The following MAN2B2 variants were observed in gnomAD, a reference collection of about 807,000 sequenced individuals.
MAN2B2 encodes the protein epididymis-specific alpha-mannosidase.
A neutral mutation model predicts 117.1 loss-of-function variants in MAN2B2; 106 were observed. That is an observed-to-expected ratio of 0.90 (90% CI 0.77 to 1.06). The LOEUF (loss-of-function observed/expected upper bound fraction) is 1.06. MAN2B2 is among the 50% of genes least tolerant of loss of function. The probability of loss-of-function intolerance (pLI) is 0.00; values close to 1 mark genes in which losing one functional copy is unlikely to be tolerated. For missense variants in MAN2B2, 1,326 were observed against 1,381.4 expected, an observed-to-expected ratio of 0.96 and a Z score of 0.64; for synonymous variants, 544 against 595.1, an observed-to-expected ratio of 0.91 and a Z score of 1.25.
At chr4:6,616,047 G>A (rs929824108) in intron 16 of MAN2B2, among the ~76,000 whole-genome samples, 6 of 152,056 alleles carry the variant, frequency 3.9e-5, no homozygotes, top group South Asian at 2.1e-4. Context: ...CAGGCAATCC[G>A]CCCTCCTTGG....
At chr4:6,599,433 C>T (rs1240866126) in intron 9 of MAN2B2, among the ~76,000 whole-genome samples, 8 of 151,894 alleles carry the variant, frequency 5.3e-5, no homozygotes, top group African/African-American at 1.7e-4. Flanking sequence ...GAGGCCGAGG[C>T]GGGTGGATTA....
intron 17 of MAN2B2, chr4:6,619,188 A>T (rs1712040556): frequency 6.6e-6 from 1 of 152,276 alleles, no homozygotes; most frequent in African/African-American, 2.4e-5. Context: ...CTTAGAACAG[A>T]GGACAGAGTG....
intron 16 of MAN2B2, 115 bp from the exon 17 acceptor site, chr4:6,617,265 C>G (rs917312228): frequency 2.7e-6 from 2 of 734,552 alleles, no homozygotes; most frequent in Admixed American, 2.6e-5. Flanking sequence ...CAAACCATAT[C>G]GAGGAGGTTA....
At chr4:6,592,905 T>C (rs1412593063) in intron 5 of MAN2B2, among the ~76,000 whole-genome samples, 2 of 152,246 alleles carry the variant, frequency 1.3e-5, no homozygotes, top group Non-Finnish European at 2.9e-5. Flanking sequence ...CCCATAAATT[T>C]TGTGCCCTAG....
intron 2 of MAN2B2, among the ~76,000 whole-genome samples, chr4:6,577,354 C>A (rs1236564701): frequency 6.6e-6 from 1 of 152,196 alleles, no homozygotes. Flanking sequence ...CAGGACGATA[C>A]TCGGGGGTTC....
chr4:6,579,995 C>A (rs1475608906), intron 3 of MAN2B2, among the ~76,000 whole-genome samples: 4 of 152,236 alleles, frequency 2.6e-5, no homozygotes, highest in Non-Finnish European at 5.9e-5. Context: ...GGCCTAGGGA[C>A]TGAAGCTCCG....
At position 6,609,155 on chromosome 4, in the gene MAN2B2, C is replaced by A. The variant is rs780250513; in HGVS notation, c.1863C>A (p.His621Gln). The A allele has an allele frequency of 1.2e-6, 2 of 1,614,230 alleles. No homozygotes were observed. Among genetic ancestry groups the A allele is most frequent in the Non-Finnish European group, 1.7e-6 (2 of 1,180,026 alleles). The change falls in exon 12 of 19, where the codon CAC becomes CAA. Residue 621 changes from histidine to glutamine, a missense_variant. By Grantham distance (24) the His-to-Gln change is conservative. Coordinates refer to ENST00000285599, the MANE Select transcript of MAN2B2 (RefSeq NM_015274.3). ...VRVTQEFLEY[H>Q]VNGDVKQGPI... ...TGACCCAGGAATTCCTGGAGTACCACGTCAACGGGGATGTGAAACAGGGCC... is the reference window on the plus strand; with the variant it reads ...TGACCCAGGAATTCCTGGAGTACCAAGTCAACGGGGATGTGAAACAGGGCC...
chr4:6,593,782 C>T (rs1353174432), intron 6 of MAN2B2, among the ~76,000 whole-genome samples: 1 of 152,254 alleles, frequency 6.6e-6, no homozygotes, highest in Admixed American at 6.5e-5. Context: ...TGAGCACCTG[C>T]TGTGTGCTGG....
chr4:6,583,324 G>C (rs1173528955), intron 3 of MAN2B2, among the ~76,000 whole-genome samples: 1 of 152,196 alleles, frequency 6.6e-6, no homozygotes, highest in Non-Finnish European at 1.5e-5. Context: ...TGGCCAGAGT[G>C]GTGTCATGTG....
intron 17 of MAN2B2, 120 bp from the exon 18 acceptor site, chr4:6,619,807 G>A: frequency 1.3e-6 from 1 of 781,658 alleles, no homozygotes; most frequent in South Asian, 1.6e-5. Flanking sequence ...GGCACCAGGG[G>A]AGGACCTGGG....
At chr4:6,602,540 C>T (rs1247763396) in intron 10 of MAN2B2, among the ~76,000 whole-genome samples, 1 of 152,200 alleles carries the variant, frequency 6.6e-6, no homozygotes, top group Non-Finnish European at 1.5e-5. Flanking sequence ...CGGACGTCAG[C>T]CATTTGAGGG....
chr4:6,589,260 A>G lies in MAN2B2; in HGVS notation c.680+100A>G, dbSNP rs1002361462. 8 of 915,540 alleles carry G rather than the reference A, an allele frequency of 8.7e-6. No individual in the cohort carries two copies. In the African/African-American group the frequency reaches 1.3e-4, roughly 15 times the overall value. 56.7% of individuals were successfully genotyped at this position (915,540 alleles called of 1,614,324 possible). A position where few individuals can be genotyped will look rare whatever the true frequency, so the allele number is the denominator to read the frequency against. On this transcript the variant is annotated intron_variant, in intron 5 of 18. Coordinates refer to ENST00000285599, the MANE Select transcript of MAN2B2 (RefSeq NM_015274.3). ...TTTGTTTTTGTTTATTGGTTTTAAGACAAGAGCTTCTGCTCTGTTGCCCAG... is the reference window on the plus strand; with the variant it reads ...TTTGTTTTTGTTTATTGGTTTTAAGGCAAGAGCTTCTGCTCTGTTGCCCAG...
At chr4:6,593,119 C>T (rs942505466) in intron 5 of MAN2B2, 54 bp from the exon 6 acceptor site, 12 of 1,575,502 alleles carry the variant, frequency 7.6e-6, no homozygotes, top group Non-Finnish European at 3.5e-6. Context: ...GGGTGTGAGC[C>T]CTGGCTGTCC....
rs756150169 is a variant in MAN2B2 at position 6,609,306 on chromosome 4, C to T, written c.2006+8C>T. The T allele has an allele frequency of 1.2e-6, 2 of 1,611,464 alleles. No homozygotes were observed. The highest frequency in any genetic ancestry group is 3.3e-5 in the Admixed American group (2 of 59,892). On this transcript the variant is annotated splice_region_variant and intron_variant, in intron 12 of 18. Coordinates refer to ENST00000285599, the MANE Select transcript of MAN2B2 (RefSeq NM_015274.3). Reference sequence around the variant, plus strand: ...CCGGCAGTACTTCTACAGGTGCTTCCCCTGGGGTGACCCCCACAGCCCGGC... The same window carrying T: ...CCGGCAGTACTTCTACAGGTGCTTCTCCTGGGGTGACCCCCACAGCCCGGC...
At chr4:6,579,581 C>T (rs1726348931) in intron 3 of MAN2B2, among the ~76,000 whole-genome samples, 2 of 150,658 alleles carry the variant, frequency 1.3e-5, no homozygotes, top group Non-Finnish European at 2.9e-5. Flanking sequence ...ACTACCATCA[C>T]CACCATCACC....
At chr4:6,619,542 A>T (rs963091979) in intron 17 of MAN2B2, 1 of 193,648 alleles carries the variant, frequency 5.2e-6, no homozygotes, top group Admixed American at 5.4e-5. Flanking sequence ...GACAAGGCCT[A>T]TTGGGAAAGG....
chr4:6,593,552 C>T (rs530180568), intron 6 of MAN2B2, among the ~76,000 whole-genome samples: 1 of 152,358 alleles, frequency 6.6e-6, no homozygotes, highest in East Asian at 1.9e-4. Context: ...GCACCCTCAC[C>T]CACGCTGGCC....
chr4:6,594,853 A>G, intron 7 of MAN2B2, 121 bp downstream of exon 7: 2 of 1,095,650 alleles, frequency 1.8e-6, no homozygotes, highest in South Asian at 2.9e-5. Flanking sequence ...GGTTCCAGGC[A>G]GGTTCTGTGT....
chr4:6,617,774 T>G, intron 17 of MAN2B2: 1 of 350,120 alleles, frequency 2.9e-6, no homozygotes, highest in Non-Finnish European at 5.2e-6. Context: ...TCTGCCTCCC[T>G]GGCTCAAGTG....
Sources: allele counts gnomAD v4.1 joint callset (sites outside exome capture counted in the v4.1 genomes callset), GRCh38; gene constraint gnomAD v4.1.1; transcripts MANE v1.5; gene names NCBI Gene and HGNC (gene_info 2026-07-23, HGNC 2026-07-21).